The following ARMC1 variants were observed in gnomAD, a reference collection of about 807,000 sequenced individuals.
ARMC1 encodes armadillo repeat-containing protein 1.
A neutral mutation model predicts 31.4 loss-of-function variants in ARMC1; 16 were observed. The observed-to-expected ratio is 0.51, with a 90% CI of 0.34 to 0.77. ARMC1 has a LOEUF of 0.77. Ranked by LOEUF, ARMC1 falls within the 30% of genes least tolerant of loss-of-function variation. The pLI is 0.01. For synonymous variants in ARMC1, 114 were observed against 118.9 expected (o/e 0.96, Z 0.27); for missense variants, 259 against 347.5 (o/e 0.75, Z 2.02).
At chr8:65,611,776 TTTTC>T (rs1236727525) in intron 4 of ARMC1, among the ~76,000 whole-genome samples, 63 of 152,218 alleles carry the variant, frequency 4.1e-4, no homozygotes, top group Admixed American at 3.0e-3. Context: ...TTCACTTTTT[TTTTC>T]TTTTTTTTTT....
chr8:65,618,996 T>C (rs888365466), intron 3 of ARMC1, among the ~76,000 whole-genome samples: 5 of 151,948 alleles, frequency 3.3e-5, no homozygotes, highest in African/African-American at 7.3e-5. Context: ...TGAGCCGAGA[T>C]CGCGCCACTG....
intron 1 of ARMC1, among the ~76,000 whole-genome samples, chr8:65,632,115 G>A (rs907533859): frequency 2.6e-5 from 4 of 152,150 alleles, no homozygotes; most frequent in African/African-American, 9.7e-5. Flanking sequence ...ACATGGCTAT[G>A]AACATATGAA....
chr8:65,629,018 G>A (rs1808577092), intron 1 of ARMC1, among the ~76,000 whole-genome samples: 1 of 152,040 alleles, frequency 6.6e-6, no homozygotes, highest in Non-Finnish European at 1.5e-5. Flanking sequence ...GCTGGGCTTG[G>A]TGGTGGGTGC....
intron 2 of ARMC1, 71 bp from the exon 3 acceptor site, chr8:65,622,425 C>A: frequency 8.2e-7 from 1 of 1,215,904 alleles, no homozygotes; most frequent in Admixed American, 2.2e-5. Flanking sequence ...TACTAATTTA[C>A]TGCAAGAAAA....
chr8:65,617,064 C>T (rs1345451929), intron 3 of ARMC1, among the ~76,000 whole-genome samples: 1 of 151,760 alleles, frequency 6.6e-6, no homozygotes, highest in African/African-American at 2.4e-5. Flanking sequence ...TCTGCCCAGC[C>T]GCCCCTTCTG....
rs560788154 is a variant in ARMC1 at position 65,613,327 on chromosome 8, G to C, written c.382C>G (p.Arg128Gly). ...GDSFNEMNSR[R>G]RKAQFFLGTT... ...CCCAGAAAAAATTGAGCTTTCCTTCGACGTGAATTCATCTCATTAAAACTA... is the reference window on the plus strand; with the variant it reads ...CCCAGAAAAAATTGAGCTTTCCTTCCACGTGAATTCATCTCATTAAAACTA... Residue 128 changes from arginine (R) to glycine (G), a missense_variant, in exon 4 of 7, where the codon CGA (arginine) becomes GGA (glycine). This residue lies in a region of ARMC1 where 163 missense variants were observed against 186.7 expected (regional missense o/e 0.87). Coordinates refer to ENST00000276569, the MANE Select transcript of ARMC1 (RefSeq NM_018120.6). The C allele has an allele frequency of 2.5e-6, 4 of 1,612,372 alleles. No homozygotes were observed. In the Admixed American group the frequency reaches 6.7e-5, roughly 27 times the overall value.
At chr8:65,613,519 T>A in intron 3 of ARMC1, 86 bp from the exon 4 acceptor site, 1 of 910,036 alleles carries the variant, frequency 1.1e-6, no homozygotes, top group South Asian at 1.9e-5. Flanking sequence ...GCCTTGTTTC[T>A]TTTACTCTAA....
intron 2 of ARMC1, among the ~76,000 whole-genome samples, chr8:65,626,845 A>C (rs769367723): frequency 6.4e-4 from 98 of 152,230 alleles, no homozygotes; most frequent in Non-Finnish European, 5.0e-4. Flanking sequence ...GCGAAACCCT[A>C]TCTCTACAAA....
intron 3 of ARMC1, among the ~76,000 whole-genome samples, chr8:65,615,361 A>C (rs1431619524): frequency 6.6e-6 from 1 of 151,384 alleles, no homozygotes; most frequent in African/African-American, 2.4e-5. Context: ...TATAAAGAGC[A>C]TGAAGAGACA....
At chr8:65,633,418 G>A (rs147904702) in intron 1 of ARMC1, among the ~76,000 whole-genome samples, 2,182 of 151,942 alleles carry the variant, frequency 0.014, 25 homozygotes, top group Non-Finnish European at 0.023. Flanking sequence ...GTAAGAACGC[G>A]AAATGGTAAA....
In ARMC1 at chr8:65,627,445, G is replaced by A. The variant is rs748579569; in HGVS notation, c.-35-12C>T. 4 of 1,465,578 alleles carry A rather than the reference G, an allele frequency of 2.7e-6. No individual in the cohort carries two copies. The highest frequency in any genetic ancestry group is 2.8e-5 in the African/African-American group (2 of 70,792). The allele number at this position is 1,465,578 out of a possible 1,614,324, so 90.8% of individuals were successfully genotyped here. A position where few individuals can be genotyped will look rare whatever the true frequency, so the allele number is the denominator to read the frequency against. ...TAAAATCTTAAATTCTGTAGAAAAG[G>A]TTTGCAGAATTAGTTCTAGGCTGCT... On this transcript the variant is annotated splice_polypyrimidine_tract_variant and intron_variant, in intron 1 of 6. Transcript: ENST00000276569.
At chr8:65,627,149 C>G (rs1037399312) in intron 2 of ARMC1, 67 bp downstream of exon 2, 63 of 1,449,492 alleles carry the variant, frequency 4.3e-5, no homozygotes, top group Middle Eastern at 1.8e-4. Flanking sequence ...TCATCTAGCA[C>G]TTTTTCCAAA....
At chr8:65,633,699 G>A (rs1585726264) in intron 1 of ARMC1, 1 of 152,372 alleles carries the variant, frequency 6.6e-6, no homozygotes, top group Non-Finnish European at 1.5e-5. Context: ...AAAACTAACA[G>A]AAAGTTACCA....
chr8:65,631,874 CCTGT>C (rs1808651831), intron 1 of ARMC1, among the ~76,000 whole-genome samples: 1 of 111,970 alleles, frequency 8.9e-6, no homozygotes, highest in African/African-American at 3.8e-5. Flanking sequence ...ATAGCAAGAC[CCTGT>C]CTCTTAAAAA....
intron 2 of ARMC1, among the ~76,000 whole-genome samples, chr8:65,625,874 A>G (rs1204523630): frequency 6.6e-6 from 1 of 151,624 alleles, no homozygotes; most frequent in Non-Finnish European, 1.5e-5. Flanking sequence ...CAAAACATTA[A>G]TTTTTTTAAC....
chr8:65,605,292 G>T lies in ARMC1; in HGVS notation c.628C>A (p.Gln210Lys). The T allele has an allele frequency of 2.5e-6, 4 of 1,613,616 alleles. No individual in the cohort carries two copies. The highest frequency in any genetic ancestry group is 3.4e-6 in the Non-Finnish European group (4 of 1,179,924). The change falls in exon 6 of 7, where the codon CAA (glutamine) becomes AAA (lysine). Residue 210 changes from glutamine to lysine, a missense_variant. By Grantham distance (53) the Gln-to-Lys change is moderately conservative (BLOSUM62 1). Around this residue, in one of 3 missense-constraint regions of ARMC1, gnomAD observed 73 missense variants for 100.0 expected, o/e 0.73. Transcript: ENST00000276569. ...TCTCCACTTTCACTTTTCACAACTT[G>T]CTGAGCTTTCATAACCTTGGTTGAT... ...IASTKVMKAQ[Q>K]VVKSESGEEM...
intron 2 of ARMC1, among the ~76,000 whole-genome samples, chr8:65,624,698 T>C (rs891863036): frequency 6.6e-6 from 1 of 152,114 alleles, no homozygotes; most frequent in African/African-American, 2.4e-5. Flanking sequence ...TATGATTCAT[T>C]TAAAGGTAGG....
intron 2 of ARMC1, among the ~76,000 whole-genome samples, 157 bp from the exon 3 acceptor site, chr8:65,622,511 G>A (rs899195088): frequency 5.3e-5 from 8 of 152,218 alleles, no homozygotes; most frequent in African/African-American, 1.7e-4. Context: ...ATTCCCTAGG[G>A]AAGAAATGAT....
chr8:65,616,332 G>A (rs1357085244), intron 3 of ARMC1, among the ~76,000 whole-genome samples: 2 of 152,156 alleles, frequency 1.3e-5, no homozygotes, highest in African/African-American at 2.4e-5. Flanking sequence ...AGGGGGTTTC[G>A]CTGTGTTGGC....
Sources: allele counts gnomAD v4.1 joint callset (sites outside exome capture counted in the v4.1 genomes callset), GRCh38; gene constraint gnomAD v4.1.1; regional missense constraint gnomAD v4.1.1; transcripts MANE v1.5; gene names NCBI Gene and HGNC (gene_info 2026-07-23, HGNC 2026-07-21).